The following CGNL1 variants were observed in gnomAD, a reference collection of about 807,000 sequenced individuals.
CGNL1 encodes the protein cingulin like 1.
In CGNL1, 132 loss-of-function variants were observed where a neutral mutation model predicts 141.2. The observed-to-expected ratio is 0.93, with a 90% confidence interval of 0.81 to 1.08. The LOEUF is 1.08. Among genes scored for constraint, CGNL1 ranks in the 50% least tolerant of loss-of-function variants. CGNL1 has a pLI of 0.00. For missense variants in CGNL1, 1,870 were observed against 1,588.6 expected, an observed-to-expected ratio of 1.18 and a Z score of -3.01; for synonymous variants, 690 against 622.1, an observed-to-expected ratio of 1.11 and a Z score of -1.63.
At position 57,520,612 on chromosome 15, in the gene CGNL1, A is replaced by G. The variant is rs11071328; in HGVS notation, c.2715+2115A>G. ...GAACTGCACTTAAGGCAAGGCATCT[A>G]TGTTTCTATTTTAAAGTGCCTTCTG... On this transcript the variant is annotated intron_variant, in intron 10 of 18. Transcript: ENST00000281282. Among the ~76,000 whole-genome samples the G allele has an allele frequency of 1.1e-4, 17 of 152,324 alleles. No individual in the cohort carries two copies. The East Asian group carries it at 3.1e-3, about 28-fold the overall frequency.
intron 1 of CGNL1, among the ~76,000 whole-genome samples, chr15:57,410,587 A>G (rs2062775471): frequency 6.6e-6 from 1 of 152,150 alleles, no homozygotes; most frequent in African/African-American, 2.4e-5. Context: ...TGGTCCCAAC[A>G]TGTGTACGTG....
intron 4 of CGNL1, 142 bp downstream of exon 4, chr15:57,442,620 A>G (rs2063203768): frequency 1.9e-6 from 1 of 540,482 alleles, no homozygotes; most frequent in Non-Finnish European, 3.3e-6. Context: ...CATGTTTTAC[A>G]TGTTGCAGCA....
intron 1 of CGNL1, chr15:57,405,822 C>CT (rs1264665243): frequency 2.4e-5 from 3 of 124,324 alleles, no homozygotes; most frequent in Non-Finnish European, 5.1e-5. Context: ...TTCTTTCTTT[C>CT]TTTCTTTTTC....
At chr15:57,481,626 T>C (rs2063727366) in intron 8 of CGNL1, among the ~76,000 whole-genome samples, 2 of 152,224 alleles carry the variant, frequency 1.3e-5, no homozygotes, top group South Asian at 4.1e-4. Flanking sequence ...TTTTGTACTA[T>C]TATAATAAAG....
At chr15:57,461,488 G>A (rs1288274263) in intron 7 of CGNL1, among the ~76,000 whole-genome samples, 192 bp from the exon 8 acceptor site, 1 of 152,170 alleles carries the variant, frequency 6.6e-6, no homozygotes, top group Non-Finnish European at 1.5e-5. Flanking sequence ...GAATCCAAGG[G>A]AATGATGGCC....
At chr15:57,406,503 GC>G (rs1239593377) in intron 1 of CGNL1, among the ~76,000 whole-genome samples, 1 of 152,190 alleles carries the variant, frequency 6.6e-6, no homozygotes, top group Non-Finnish European at 1.5e-5. Flanking sequence ...GAGTGGCTCA[GC>G]TAGGAGCCTA....
At chr15:57,479,396 G>A (rs2063696926) in intron 8 of CGNL1, among the ~76,000 whole-genome samples, 1 of 152,212 alleles carries the variant, frequency 6.6e-6, no homozygotes, top group African/African-American at 2.4e-5. Context: ...GGGCATGGTG[G>A]CTCATGCCTA....
intron 14 of CGNL1, among the ~76,000 whole-genome samples, chr15:57,541,330 G>C (rs4774959): frequency 0.33 from 50,142 of 152,218 alleles, 8,968 homozygotes; most frequent in Middle Eastern, 0.42. Context: ...AGGCACGTCT[G>C]TCCTCAGTCC....
intron 10 of CGNL1, among the ~76,000 whole-genome samples, chr15:57,521,216 C>G (rs2140123773): frequency 6.6e-6 from 1 of 152,108 alleles, no homozygotes; most frequent in South Asian, 2.1e-4. Flanking sequence ...TCAGCAGTGA[C>G]CTATTGGAAC....
intron 8 of CGNL1, among the ~76,000 whole-genome samples, chr15:57,513,213 T>A (rs1414261105): frequency 6.6e-6 from 1 of 151,868 alleles, no homozygotes; most frequent in Non-Finnish European, 1.5e-5. Flanking sequence ...TCTGTCTCCG[T>A]AGATTTGCTA....
At chr15:57,392,030 G>C (rs1279683090) in intron 1 of CGNL1, among the ~76,000 whole-genome samples, 1 of 149,182 alleles carries the variant, frequency 6.7e-6, no homozygotes, top group Non-Finnish European at 1.5e-5. Context: ...AGCACCATAA[G>C]ATGGTGAAAA....
In CGNL1 at chr15:57,379,654, G is replaced by A. The variant is rs538195776; in HGVS notation, c.-16+3087G>A. 2.3e-4 allele frequency among the ~76,000 whole-genome samples: 35 copies of A among 152,176 alleles called. No individual in the cohort carries two copies. In the South Asian group the frequency reaches 5.8e-3, roughly 25 times the overall value. ...TCTTCTGATCTCGGCACTAAAGGGC[G>A]GTGGCATGGCTGAGAGGTTGGCATC... is the stretch of plus-strand genomic sequence containing the variant. On this transcript the variant is annotated intron_variant, in intron 1 of 18. Coordinates refer to ENST00000281282, the MANE Select transcript of CGNL1 (RefSeq NM_032866.5).
At chr15:57,524,553 G>C in intron 11 of CGNL1, 28 bp from the exon 12 acceptor site, 1 of 1,596,100 alleles carries the variant, frequency 6.3e-7, no homozygotes, top group Non-Finnish European at 8.5e-7. Context: ...ATCCCAGGGT[G>C]GGCTCACACC....
intron 1 of CGNL1, among the ~76,000 whole-genome samples, chr15:57,427,599 T>C (rs1252029903): frequency 3.9e-5 from 6 of 152,242 alleles, no homozygotes; most frequent in African/African-American, 1.4e-4. Flanking sequence ...TGGCTAATTT[T>C]CCCTGATTGG....
chr15:57,383,292 C>CTTTTTTTTTTTTTTTTTTTTT (rs59213732), intron 1 of CGNL1, among the ~76,000 whole-genome samples: 34 of 109,588 alleles, frequency 3.1e-4, no homozygotes, highest in African/African-American at 1.2e-3. Context: ...TTCTTTCTTC[C>CTTTTTTTTTTTTTTTTTTTTT]TTTTTTTTTT....
At chr15:57,542,294 C>T (rs183515868) in intron 14 of CGNL1, among the ~76,000 whole-genome samples, 7 of 152,304 alleles carry the variant, frequency 4.6e-5, no homozygotes, top group East Asian at 1.9e-4. Flanking sequence ...CTCTTAGCCA[C>T]GTTGGATCCT....
chr15:57,508,421 A>G (rs1446403401), intron 8 of CGNL1, among the ~76,000 whole-genome samples: 1 of 152,228 alleles, frequency 6.6e-6, no homozygotes, highest in Non-Finnish European at 1.5e-5. Flanking sequence ...AAAAGGAGGA[A>G]GGAAGGAACC....
At chr15:57,523,908 G>A (rs2031439073) in intron 11 of CGNL1, among the ~76,000 whole-genome samples, 1 of 152,236 alleles carries the variant, frequency 6.6e-6, no homozygotes, top group Non-Finnish European at 1.5e-5. Flanking sequence ...TGTCAGTGCA[G>A]ATGGAACCAA....
chr15:57,489,519 T>C (rs1343443110), intron 8 of CGNL1, among the ~76,000 whole-genome samples: 3 of 152,232 alleles, frequency 2.0e-5, no homozygotes, highest in Non-Finnish European at 4.4e-5. Flanking sequence ...AGCTTTACTC[T>C]TTTTCTAAGA....
Sources: allele counts gnomAD v4.1 joint callset (sites outside exome capture counted in the v4.1 genomes callset), GRCh38; gene constraint gnomAD v4.1.1; transcripts MANE v1.5; gene names NCBI Gene and HGNC (gene_info 2026-07-23, HGNC 2026-07-21).